LRRC15: variants seen among roughly 807,000 people sequenced by gnomAD.
The protein encoded by LRRC15 is leucine-rich repeat-containing protein 15.
A neutral mutation model predicts 4.3 loss-of-function variants in LRRC15; 5 were observed. The ratio of observed to expected loss-of-function variants is 1.16; its 90% CI spans 0.61 to 2.44. The LOEUF is 2.44. LRRC15 is among the 30% of genes most tolerant of loss of function. LRRC15 has a pLI of 0.01. For missense variants in LRRC15, 769 were observed against 747.0 expected, an observed-to-expected ratio of 1.03 and a Z score of -0.34; for synonymous variants, 337 against 323.2, an observed-to-expected ratio of 1.04 and a Z score of -0.46.
intron 1 of LRRC15, 90 bp from the exon 2 acceptor site, chr3:194,361,136 G>A: frequency 4.2e-6 from 5 of 1,203,660 alleles, no homozygotes; most frequent in Non-Finnish European, 3.4e-6. Flanking sequence ...TGCCAATGCT[G>A]GCTTGGCTTT....
At chr3:194,362,232 A>G (rs1034160023) in intron 1 of LRRC15, among the ~76,000 whole-genome samples, 23 of 152,112 alleles carry the variant, frequency 1.5e-4, no homozygotes, top group African/African-American at 5.3e-4. Context: ...TTCACCTTGC[A>G]TGAAGCTTGA....
chr3:194,360,458 G>A lies in LRRC15; in HGVS notation c.586C>T (p.Leu196=). The A allele has an allele frequency of 6.2e-7, 1 of 1,614,164 alleles. No individual in the cohort carries two copies. Among genetic ancestry groups the A allele is most frequent in the Non-Finnish European group, 8.5e-7 (1 of 1,180,018 alleles). ...AGCCGGAGGACCTGGAGGTTGCCCAGGTGCTGGAAGACCCTGGGTGAGATG... is the reference window on the plus strand; with the variant it reads ...AGCCGGAGGACCTGGAGGTTGCCCAAGTGCTGGAAGACCCTGGGTGAGATG... The part of the protein sequence containing the change: ...THISPRVFQH[L]GNLQVLRLYE... Residue 196 remains leucine (L), a synonymous_variant, in exon 2 of 2, where the codon CTG becomes TTG. Transcript: ENST00000347624.
intron 1 of LRRC15, 95 bp downstream of exon 1, chr3:194,369,566 G>C (rs780000630): frequency 2.0e-5 from 3 of 152,418 alleles, no homozygotes; most frequent in Non-Finnish European, 4.4e-5. Flanking sequence ...TGCCCCTTCT[G>C]GGGTCTCCGA....
intron 1 of LRRC15, among the ~76,000 whole-genome samples, chr3:194,366,917 A>C (rs1399720232): frequency 1.3e-5 from 2 of 152,166 alleles, no homozygotes; most frequent in East Asian, 3.9e-4. Flanking sequence ...AGAGTTTGGC[A>C]AATCCCTGAG....
intron 1 of LRRC15, among the ~76,000 whole-genome samples, chr3:194,364,245 C>G (rs1713714309): frequency 6.6e-6 from 1 of 152,150 alleles, no homozygotes; most frequent in African/African-American, 2.4e-5. Flanking sequence ...TCCACCAAGA[C>G]AACGGTGCCT....
chr3:194,361,657 G>A lies in LRRC15; in HGVS notation c.-3-611C>T, dbSNP rs181992352. Among the ~76,000 whole-genome samples the A allele has an allele frequency of 3.3e-5, 5 of 152,290 alleles. No homozygotes were observed. The East Asian group carries it at 7.7e-4, about 24-fold the overall frequency. On this transcript the variant is annotated intron_variant, in intron 1 of 1. Coordinates refer to ENST00000347624, the MANE Select transcript of LRRC15 (RefSeq NM_130830.5). ...GGGAAGATGGTGAGGCCACAAACACGGTAGCCTGCCGGGAGGTGCAGCAGC... is the reference window on the plus strand; with the variant it reads ...GGGAAGATGGTGAGGCCACAAACACAGTAGCCTGCCGGGAGGTGCAGCAGC...
intron 1 of LRRC15, among the ~76,000 whole-genome samples, chr3:194,361,613 T>G (rs1247411613): frequency 6.6e-6 from 1 of 152,028 alleles, no homozygotes. Flanking sequence ...TGGGAACAAA[T>G]AAATAGGGCT....
rs1181522869 is a variant in LRRC15 at position 194,355,768 on chromosome 3, C to T, written c.*3530G>A. ...ACTTCCTGAGTTTGGAAGTTCTTTC[C>T]CAATAGCTCTACATCAGCATCTGAA... On this transcript the variant is annotated 3_prime_UTR_variant, in exon 2 of 2. Transcript: ENST00000347624. The T allele has an allele frequency of 6.6e-6, 1 of 152,224 alleles. No individual in the cohort carries two copies. The highest frequency in any genetic ancestry group is 1.5e-5 in the Non-Finnish European group (1 of 68,044). 9.4% of individuals were successfully genotyped at this position (152,224 alleles called of 1,614,324 possible).
chr3:194,365,568 A>G (rs1397285085), intron 1 of LRRC15, among the ~76,000 whole-genome samples: 1 of 152,132 alleles, frequency 6.6e-6, no homozygotes, highest in Non-Finnish European at 1.5e-5. Context: ...GAAATTCTCC[A>G]GGCCTCAGTT....
chr3:194,364,720 G>A (rs1188549592), intron 1 of LRRC15, among the ~76,000 whole-genome samples: 1 of 152,232 alleles, frequency 6.6e-6, no homozygotes, highest in Non-Finnish European at 1.5e-5. Context: ...GCCACACTCA[G>A]CATGACAAAT....
chr3:194,357,566 A>G lies in LRRC15; in HGVS notation c.*1732T>C, dbSNP rs1713468560. 1 of 152,180 alleles carries G rather than the reference A, an allele frequency of 6.6e-6. No homozygotes were observed. Among genetic ancestry groups the G allele is most frequent in the Admixed American group, 6.5e-5 (1 of 15,278 alleles). 9.4% of individuals were successfully genotyped at this position (152,180 alleles called of 1,614,324 possible). A position where few individuals can be genotyped will look rare whatever the true frequency, so the allele number is the denominator to read the frequency against. On this transcript the variant is annotated 3_prime_UTR_variant, in exon 2 of 2. Transcript: ENST00000347624. ...CCATGTGAATATGTGTATAGCAGGA[A>G]AGCCAGAGAAGGCAGGTATTCGTGT... is the stretch of plus-strand genomic sequence containing the variant.
chr3:194,359,921 T>C lies in LRRC15; in HGVS notation c.1123A>G (p.Asn375Asp). 1 of 1,614,114 alleles carries C rather than the reference T, an allele frequency of 6.2e-7. No homozygotes were observed. Among genetic ancestry groups the C allele is most frequent in the Non-Finnish European group, 8.5e-7 (1 of 1,179,992 alleles). ...TTCCCTGGGAGCTGTCTGAGGCGGTTGTTCTGCAGGGAGATGTTCTGCAGG... is the reference window on the plus strand; with the variant it reads ...TTCCCTGGGAGCTGTCTGAGGCGGTCGTTCTGCAGGGAGATGTTCTGCAGG... The part of the protein sequence containing the change: ...ANLQNISLQN[N>D]RLRQLPGNIF... The change falls in exon 2 of 2, where the codon AAC becomes GAC. Residue 375 changes from asparagine (N) to aspartate (D), a missense_variant. By Grantham distance (23) the Asn-to-Asp change is conservative. Transcript: ENST00000347624.
In LRRC15 at chr3:194,356,351, G is replaced by A. The variant is rs1349557903; in HGVS notation, c.*2947C>T. 1 of 152,206 alleles carries A rather than the reference G, an allele frequency of 6.6e-6. No homozygotes were observed. Among genetic ancestry groups the A allele is most frequent in the Non-Finnish European group, 1.5e-5 (1 of 68,040 alleles). 9.4% of individuals were successfully genotyped at this position (152,206 alleles called of 1,614,324 possible). The stretch of plus-strand genomic sequence containing the variant: ...ATGGGCGTGGGACTGTCAAGGAGCT[G>A]TAAACAGAGAGGAAAACTGAACTCT... On this transcript the variant is annotated 3_prime_UTR_variant, in exon 2 of 2. Coordinates refer to ENST00000347624, the MANE Select transcript of LRRC15 (RefSeq NM_130830.5).
Position 194,359,109 on chromosome 3 carries a change from G to A in LRRC15, c.*189C>T. 1.9e-6 allele frequency: 1 copy of A among 539,896 alleles called. No individual in the cohort carries two copies. Among genetic ancestry groups the A allele is most frequent in the South Asian group, 3.1e-5 (1 of 32,386 alleles). The allele number at this position is 539,896 out of a possible 1,614,324, so 33.4% of individuals were successfully genotyped here. On this transcript the variant is annotated 3_prime_UTR_variant, in exon 2 of 2. Coordinates refer to ENST00000347624, the MANE Select transcript of LRRC15 (RefSeq NM_130830.5). ...AGTTGGATCTATCTTCCTGATTGTAGGAAGGTCCGGCACGACCTGCTTCTC... is the reference window on the plus strand; with the variant it reads ...AGTTGGATCTATCTTCCTGATTGTAAGAAGGTCCGGCACGACCTGCTTCTC...
rs764925067 is a variant in LRRC15, at chr3:194,359,634, G to A, written c.1410C>T (p.Asn470=). The change falls in exon 2 of 2, where the codon AAC becomes AAT. Residue 470 remains asparagine, a synonymous_variant. Coordinates refer to ENST00000347624, the MANE Select transcript of LRRC15 (RefSeq NM_130830.5). ...RGQSLIIINV[N]VAVPSVHVPE... is the part of the protein sequence containing the mutation. ...GGACATGGACGCTTGGAACAGCAACGTTGACATTGATGATAATGAGGGACT... is the reference window on the plus strand; with the variant it reads ...GGACATGGACGCTTGGAACAGCAACATTGACATTGATGATAATGAGGGACT... The A allele has an allele frequency of 9.3e-6, 15 of 1,613,938 alleles. No individual in the cohort carries two copies. The highest frequency in any genetic ancestry group is 1.3e-5 in the African/African-American group (1 of 74,928).
chr3:194,368,442 C>T (rs1713842091), intron 1 of LRRC15, among the ~76,000 whole-genome samples: 1 of 152,158 alleles, frequency 6.6e-6, no homozygotes, highest in Admixed American at 6.5e-5. Flanking sequence ...ACATGCCTGC[C>T]TCATCACTGC....
chr3:194,360,687 G>C lies in LRRC15; in HGVS notation c.357C>G (p.Gly119=). 6.2e-7 allele frequency: 1 copy of C among 1,614,256 alleles called. No individual in the cohort carries two copies. Among genetic ancestry groups the C allele is most frequent in the Non-Finnish European group, 8.5e-7 (1 of 1,180,042 alleles). ...ANNKLQVLPI[G]LFQGLDSLES... ...CGAGGCTGTCCAGGCCCTGGAAGAGGCCGATGGGCAGAACCTGCAGCTTGT... is the reference window on the plus strand; with the variant it reads ...CGAGGCTGTCCAGGCCCTGGAAGAGCCCGATGGGCAGAACCTGCAGCTTGT... The change falls in exon 2 of 2, where the codon GGC becomes GGG. Residue 119 remains glycine, a synonymous_variant. Transcript: ENST00000347624.
Position 194,357,514 on chromosome 3 carries a change from G to C in LRRC15, c.*1784C>G, listed in dbSNP as rs537519743. 5.9e-5 allele frequency: 9 copies of C among 152,330 alleles called. No homozygotes were observed. The highest frequency in any genetic ancestry group is 1.9e-4 in the African/African-American group (8 of 41,582). The allele number at this position is 152,330 out of a possible 1,614,324, so 9.4% of individuals were successfully genotyped here. The stretch of plus-strand genomic sequence containing the variant: ...GCCAGTTGTCCAGAGAAAGACACAC[G>C]TTGCCATGAGCCTAACTTCTTGAGC... On this transcript the variant is annotated 3_prime_UTR_variant, in exon 2 of 2. Coordinates refer to ENST00000347624, the MANE Select transcript of LRRC15 (RefSeq NM_130830.5).
intron 1 of LRRC15, among the ~76,000 whole-genome samples, chr3:194,366,937 C>T (rs911972207): frequency 3.3e-5 from 5 of 152,174 alleles, no homozygotes; most frequent in African/African-American, 1.2e-4. Flanking sequence ...GCCTCATCAC[C>T]GGGATTTGGG....
Sources: gnomAD v4.1 joint callset for allele counts (sites outside exome capture counted in the v4.1 genomes callset) on GRCh38, gnomAD v4.1.1 for gene constraint, MANE v1.5 for transcripts, NCBI Gene and HGNC (gene_info 2026-07-23, HGNC 2026-07-21) for gene names.